Variants in RPS29 observed in about 807,000 individuals in gnomAD.
RPS29 encodes small ribosomal subunit protein uS14.
For synonymous variants in RPS29, 37 were observed against 26.9 expected, an observed-to-expected ratio of 1.37 and a Z score of -1.16; for missense variants, 60 against 75.7, an observed-to-expected ratio of 0.79 and a Z score of 0.77.
upstream of RPS29, among the ~76,000 whole-genome samples, chr14:49,587,933 A>T (rs1594575806): frequency 2.0e-5 from 3 of 152,380 alleles, no homozygotes; most frequent in East Asian, 5.8e-4. Context: ...TTGTGTAACT[A>T]GAATAGAAGA....
At chr14:49,583,511 AAAAAG>A, downstream of RPS29, 6 of 807,350 alleles carry the variant, frequency 7.4e-6, no homozygotes, top group South Asian at 1.4e-4. Flanking sequence ...TCTCAAAAAA[AAAAAG>A]AAAAAGATTT....
chr14:49,583,425 A>G (rs1265975392), downstream of RPS29: 1 of 333,988 alleles, frequency 3.0e-6, no homozygotes, highest in East Asian at 5.8e-5. Context: ...AGGCTGAGGC[A>G]GGAGGCTTGA....
At chr14:49,586,390 C>T (rs1478387632), upstream of RPS29, 1 of 1,545,016 alleles carries the variant, frequency 6.5e-7, no homozygotes, top group Non-Finnish European at 9.0e-7. Context: ...GAAGCTGGCC[C>T]ACGCATGCGC....
Position 49,598,518 on chromosome 14 carries a change from C to A in RPS29, c.-251G>T, listed in dbSNP as rs573573954. The A allele has an allele frequency of 1.3e-4, 92 of 702,428 alleles. 1 individual carries two copies. The African/African-American group carries it at 1.5e-3, about 11-fold the overall frequency. The allele number at this position is 702,428 out of a possible 1,614,324, so 43.5% of individuals were successfully genotyped here. ...GCAGCCACCAAAACCACCAGCAGCC[C>A]GTCCGCGCCGGGAAATGCGCCCTCG... On this transcript the variant is annotated 5_prime_UTR_variant, in exon 1 of 4. Transcript: ENST00000556230.
chr14:49,585,928 G>C (rs752497472), intron 2 of RPS29, 22 bp downstream of exon 2: 2 of 1,582,458 alleles, frequency 1.3e-6, no homozygotes, highest in East Asian at 2.2e-5. Flanking sequence ...AAACAACATG[G>C]AGTACGCCTG....
chr14:49,577,503 G>T, exon 3 of RPS29: 1 of 524,080 alleles, frequency 1.9e-6, no homozygotes, highest in Non-Finnish European at 3.5e-6. Flanking sequence ...CATCATGAGT[G>T]ATCTCAACAC....
exon 3 of RPS29, chr14:49,573,542 G>A (rs867080128): frequency 6.6e-5 from 10 of 151,506 alleles, no homozygotes; most frequent in African/African-American, 2.4e-4. Context: ...AAACCACACT[G>A]GGCAGAGGAC....
chr14:49,597,758 C>T (rs1881866819), intron 1 of RPS29: 1 of 151,820 alleles, frequency 6.6e-6, no homozygotes, highest in African/African-American at 2.4e-5. Context: ...GTGATCCTGC[C>T]ACCTCAGCCT....
At position 49,596,921 on chromosome 14, in the gene RPS29, T is replaced by C. The variant is rs111479537; in HGVS notation, c.-133+1479A>G. 2.9e-3 allele frequency among the ~76,000 whole-genome samples: 422 copies of C among 147,492 alleles called. 8 individuals are homozygous for C. In the South Asian group the frequency reaches 0.051, roughly 18 times the overall value. On this transcript the variant is annotated intron_variant, in intron 1 of 3. Coordinates refer to the RPS29 transcript ENST00000556230. ...GCCCAACTAATTTTTTCTTCTTCTT[T>C]TTTTTTTTTTTTTTTGAGAGTCTCG... is the stretch of plus-strand genomic sequence containing the variant.
At chr14:49,582,801 T>C (rs1166535455), downstream of RPS29, among the ~76,000 whole-genome samples, 3 of 152,202 alleles carry the variant, frequency 2.0e-5, no homozygotes, top group Admixed American at 2.0e-4. Context: ...CCTTCATTTA[T>C]TCCATCTCAC....
intron 2 of RPS29, among the ~76,000 whole-genome samples, chr14:49,584,771 A>G (rs1393227134): frequency 6.9e-6 from 1 of 144,820 alleles, no homozygotes; most frequent in East Asian, 1.9e-4. Context: ...CAAAACAAAA[A>G]AAAAAATTTA....
chr14:49,593,533 G>A (rs950444881), intron 1 of RPS29, among the ~76,000 whole-genome samples: 1 of 151,626 alleles, frequency 6.6e-6, no homozygotes, highest in Non-Finnish European at 1.5e-5. Context: ...GTGAAACTCC[G>A]TCTCTACTAA....
chr14:49,590,848 T>G (rs1283832373), upstream of RPS29, among the ~76,000 whole-genome samples: 27 of 152,040 alleles, frequency 1.8e-4, no homozygotes, highest in Non-Finnish European at 1.0e-4. Context: ...GTGCCACCAC[T>G]CCCAGCTAAT....
rs1474053113 is a variant in RPS29 at position 49,586,052 on chromosome 14, G to A, written c.63-3C>T. On this transcript the variant is annotated splice_region_variant and splice_polypyrimidine_tract_variant and intron_variant, in intron 1 of 2. Transcript: ENST00000245458. ...CGTGCCGGTTTGAACAGACACGACT[G>A]TAAGAAAAGAGACAGCGGTTTTGCA... 3.1e-6 allele frequency: 5 copies of A among 1,610,550 alleles called. No individual in the cohort carries two copies. The highest frequency in any genetic ancestry group is 1.7e-5 in the Admixed American group (1 of 59,922).
In RPS29 at chr14:49,585,801, G is replaced by T. The variant is rs1478189849; in HGVS notation, c.162+149C>A. On this transcript the variant is annotated intron_variant, in intron 2 of 2. Transcript: ENST00000245458. ...GCCCAAACCATCAACACTGTCACCAGCTACCAACTAAAAAAAGAGGAAAAG... is the reference window on the plus strand; with the variant it reads ...GCCCAAACCATCAACACTGTCACCATCTACCAACTAAAAAAAGAGGAAAAG... The T allele has an allele frequency of 8.6e-5, 54 of 625,794 alleles. No homozygotes were observed. In the Admixed American group the frequency reaches 1.5e-3, roughly 18 times the overall value. The allele number at this position is 625,794 out of a possible 1,614,324, so 38.8% of individuals were successfully genotyped here.
downstream of RPS29, chr14:49,583,572 T>C: frequency 1.4e-6 from 2 of 1,389,714 alleles, no homozygotes; most frequent in Non-Finnish European, 2.0e-6. Context: ...ACTCATAAAC[T>C]GAAGGGTTTT....
chr14:49,581,725 C>A (rs991181328), downstream of RPS29, among the ~76,000 whole-genome samples: 7 of 152,110 alleles, frequency 4.6e-5, no homozygotes, highest in Non-Finnish European at 8.8e-5. Context: ...GTTCCTTCAA[C>A]AAACCTTGTC....
At chr14:49,581,718 C>T (rs1476181666), downstream of RPS29, among the ~76,000 whole-genome samples, 1 of 152,110 alleles carries the variant, frequency 6.6e-6, no homozygotes, top group African/African-American at 2.4e-5. Context: ...TGTATCGGTT[C>T]CTTCAACAAA....
At chr14:49,571,442 CA>C (rs1881053037) in exon 3 of RPS29, 1 of 152,086 alleles carries the variant, frequency 6.6e-6, no homozygotes, top group Non-Finnish European at 1.5e-5. Context: ...CCCTAAGTAA[CA>C]GGGATATCTT....
Sources: gnomAD v4.1 joint callset for allele counts (sites outside exome capture counted in the v4.1 genomes callset) on GRCh38, gnomAD v4.1.1 for gene constraint, MANE v1.5 for transcripts, NCBI Gene and HGNC (gene_info 2026-07-23, HGNC 2026-07-21) for gene names.